ITGAE: variants seen among roughly 807,000 people sequenced by gnomAD.
ITGAE encodes the protein integrin alpha-E.
ITGAE carries 99 observed loss-of-function variants against 136.5 expected under a neutral mutation model. The observed-to-expected ratio is 0.73, with a 90% CI of 0.62 to 0.86. The LOEUF (loss-of-function observed/expected upper bound fraction) is 0.86. ITGAE is among the 40% of genes least tolerant of loss of function. The probability of loss-of-function intolerance (pLI) is 0.00; values close to 1 mark genes in which losing one functional copy is unlikely to be tolerated. For synonymous variants in ITGAE, 613 were observed against 591.8 expected, an observed-to-expected ratio of 1.04 and a Z score of -0.52; for missense variants, 1,447 against 1,515.3, an observed-to-expected ratio of 0.95 and a Z score of 0.75.
intron 15 of ITGAE, 71 bp from the exon 16 acceptor site, chr17:3,750,553 T>A (rs1313272246): frequency 1.3e-6 from 2 of 1,565,500 alleles, no homozygotes; most frequent in Non-Finnish European, 1.7e-6. Context: ...CCTTTCATGA[T>A]CTATCCCGAT....
intron 2 of ITGAE, among the ~76,000 whole-genome samples, chr17:3,770,398 G>A (rs953564932): frequency 3.3e-5 from 5 of 152,052 alleles, no homozygotes; most frequent in Admixed American, 2.0e-4. Flanking sequence ...CCAAAGTGCT[G>A]GGATTACGGG....
chr17:3,772,345 C>T (rs1597354369), intron 2 of ITGAE, among the ~76,000 whole-genome samples: 2 of 152,304 alleles, frequency 1.3e-5, no homozygotes, highest in East Asian at 3.9e-4. Context: ...CCATGTCTCC[C>T]TCTTATTCCC....
At chr17:3,737,914 C>A (rs1422667697) in intron 20 of ITGAE, among the ~76,000 whole-genome samples, 1 of 152,120 alleles carries the variant, frequency 6.6e-6, no homozygotes, top group African/African-American at 2.4e-5. Context: ...ATCTCTACTA[C>A]CCCCAGTAGC....
Position 3,765,649 on chromosome 17 carries a change from C to T in ITGAE, c.156-1689G>A, listed in dbSNP as rs150189511. 6.6e-4 allele frequency among the ~76,000 whole-genome samples: 100 copies of T among 152,248 alleles called. No homozygotes were observed. In the East Asian group the frequency reaches 0.017, roughly 26 times the overall value. On this transcript the variant is annotated intron_variant, in intron 2 of 30. Transcript: ENST00000263087. ...GGGGCCCCCACAATGCCACATCCAA[C>T]GGACCGCTCTCTGTCCTCATCTTCC... is the stretch of plus-strand genomic sequence containing the variant.
At position 3,755,560 on chromosome 17, in the gene ITGAE, A is replaced by G. The variant is rs927591988; in HGVS notation, c.1239+270T>C. Among the ~76,000 whole-genome samples the G allele has an allele frequency of 3.9e-5, 6 of 152,342 alleles. 1 individual carries two copies. On this transcript the variant is annotated intron_variant, in intron 11 of 30. Transcript: ENST00000263087. ...GGGGAACAACTGGATGTTTGAGCAC[A>G]CAGAAAAAAGCGACCTCCTGTCATC... is the stretch of plus-strand genomic sequence containing the variant.
chr17:3,724,909 C>G (rs766794838), intron 26 of ITGAE: 1 of 1,613,540 alleles, frequency 6.2e-7, no homozygotes. Flanking sequence ...CGCATTGTGC[C>G]AAGGGGAATA....
chr17:3,715,923 G>A (rs1597287862), intron 30 of ITGAE, among the ~76,000 whole-genome samples: 1 of 152,118 alleles, frequency 6.6e-6, no homozygotes, highest in Non-Finnish European at 1.5e-5. Context: ...TTGGGAGGCC[G>A]AGGCGGGAGG....
intron 1 of ITGAE, among the ~76,000 whole-genome samples, chr17:3,783,687 T>C (rs2052715129): frequency 6.6e-6 from 1 of 152,240 alleles, no homozygotes; most frequent in African/African-American, 2.4e-5. Flanking sequence ...AATGGCTGTT[T>C]ACTCAGCAGT....
At chr17:3,770,809 G>A (rs753470122) in intron 2 of ITGAE, among the ~76,000 whole-genome samples, 1 of 152,138 alleles carries the variant, frequency 6.6e-6, no homozygotes, top group Non-Finnish European at 1.5e-5. Flanking sequence ...TCTGCGACAC[G>A]GGCTCCAAAC....
chr17:3,784,738 A>G (rs2052745487), intron 1 of ITGAE, among the ~76,000 whole-genome samples: 1 of 152,216 alleles, frequency 6.6e-6, no homozygotes, highest in Non-Finnish European at 1.5e-5. Context: ...AAAATTGACC[A>G]TATGCTAGAT....
intron 16 of ITGAE, among the ~76,000 whole-genome samples, chr17:3,749,136 A>T (rs748291738): frequency 1.3e-5 from 2 of 151,198 alleles, no homozygotes; most frequent in African/African-American, 2.4e-5. Context: ...ATCAAAGATG[A>T]CGCCTACGTT....
intron 2 of ITGAE, 105 bp from the exon 3 acceptor site, chr17:3,764,065 CCT>C (rs1482515255): frequency 2.7e-6 from 2 of 744,130 alleles, no homozygotes; most frequent in Non-Finnish European, 4.5e-6. Flanking sequence ...TCACAAGCTC[CCT>C]GTCTGGCCGG....
Position 3,798,430 on chromosome 17 carries a change from C to T in ITGAE, c.34+2681G>A, listed in dbSNP as rs1322140138. Among the ~76,000 whole-genome samples the T allele has an allele frequency of 1.3e-5, 2 of 152,144 alleles. No individual in the cohort carries two copies. The highest frequency in any genetic ancestry group is 2.9e-5 in the Non-Finnish European group (2 of 68,012). On this transcript the variant is annotated intron_variant, in intron 1 of 30. Transcript: ENST00000263087. The surrounding 1 kb of genome is among the most constrained non-coding windows in gnomAD (Gnocchi z 4.3). ...CTCACACTTCGCCTCCATCTTCCTA[C>T]AAACCAGACTCTTCACACCCCAGGG...
chr17:3,787,652 T>A (rs1889148244), intron 1 of ITGAE, among the ~76,000 whole-genome samples: 1 of 152,092 alleles, frequency 6.6e-6, no homozygotes. Flanking sequence ...CTGTTAAGCA[T>A]ATGTTCAGCT....
chr17:3,753,302 A>T lies in ITGAE; in HGVS notation c.1656T>A (p.Arg552=), dbSNP rs2051915519. The T allele has an allele frequency of 6.2e-7, 1 of 1,613,882 alleles. No homozygotes were observed. The change falls in exon 14 of 31, where the codon CGT becomes CGA. Residue 552 remains arginine (R), a synonymous_variant. Transcript: ENST00000263087. The stretch of plus-strand genomic sequence containing the variant: ...GAGACTCTCCCACCTGCTCGCTGAG[A>T]CGGTACACGTAGACTCTGCCTTCTT... ...HGEEGRVYVY[R]LSEQDGSFSL...
At chr17:3,794,751 A>G (rs2053023253) in intron 1 of ITGAE, among the ~76,000 whole-genome samples, 2 of 152,310 alleles carry the variant, frequency 1.3e-5, no homozygotes, top group East Asian at 1.9e-4. Context: ...ACTCTGGGGA[A>G]AAAACAGGAC....
At chr17:3,731,346 T>C (rs1181902452) in intron 22 of ITGAE, among the ~76,000 whole-genome samples, 163 bp from the exon 23 acceptor site, 1 of 23,338 alleles carries the variant, frequency 4.3e-5, no homozygotes, top group African/African-American at 8.7e-5. Context: ...TTTTTTTTTT[T>C]TTTTTTTTTT....
intron 26 of ITGAE, among the ~76,000 whole-genome samples, chr17:3,727,316 CAT>C (rs901354619): frequency 2.2e-4 from 33 of 152,130 alleles, no homozygotes; most frequent in African/African-American, 2.9e-4. Context: ...AGAAATGTCA[CAT>C]GTTACATCGC....
chr17:3,797,205 G>C (rs1203724428), intron 1 of ITGAE, among the ~76,000 whole-genome samples: 1 of 128,932 alleles, frequency 7.8e-6, no homozygotes, highest in African/African-American at 2.9e-5. Flanking sequence ...TCGCTCTGTC[G>C]CCCAGGCTGG....
Sources: allele counts gnomAD v4.1 joint callset (sites outside exome capture counted in the v4.1 genomes callset), GRCh38; gene constraint gnomAD v4.1.1; non-coding constraint Gnocchi (gnomAD v3.1); transcripts MANE v1.5; gene names NCBI Gene and HGNC (gene_info 2026-07-23, HGNC 2026-07-21).